Variants in NEK11 observed in about 807,000 individuals in gnomAD.
NEK11 encodes the protein NIMA related kinase 11, also known as serine/threonine-protein kinase Nek11.
Under a neutral mutation model 80.7 loss-of-function variants are expected in NEK11, and 72 were observed. The ratio of observed to expected loss-of-function variants is 0.89; its 90% CI spans 0.74 to 1.08. The LOEUF (loss-of-function observed/expected upper bound fraction) is 1.08. NEK11 is among the 50% of genes least tolerant of loss of function. NEK11 has a pLI of 0.00. For missense variants in NEK11, 764 were observed against 763.6 expected (o/e 1.00, Z -0.01); for synonymous variants, 251 against 260.7 (o/e 0.96, Z 0.36).
chr3:131,058,103 A>G (rs1235957143), intron 3 of NEK11, among the ~76,000 whole-genome samples: 6 of 152,086 alleles, frequency 3.9e-5, no homozygotes, highest in African/African-American at 1.4e-4. Flanking sequence ...AGCTTTCTAC[A>G]TATGGCTAGC....
At chr3:131,132,460 A>G (rs898338839) in intron 5 of NEK11, among the ~76,000 whole-genome samples, 1 of 152,084 alleles carries the variant, frequency 6.6e-6, no homozygotes, top group African/African-American at 2.4e-5. Flanking sequence ...TATGTAGATT[A>G]TGCTACAAAA....
intron 3 of NEK11, chr3:131,053,291 C>T (rs1560182031): frequency 6.6e-6 from 1 of 152,190 alleles, no homozygotes; most frequent in Non-Finnish European, 1.5e-5. Context: ...TCGAAAATGT[C>T]TTAATTTAAT....
At chr3:131,191,828 A>G (rs926569681) in intron 14 of NEK11, among the ~76,000 whole-genome samples, 2 of 152,162 alleles carry the variant, frequency 1.3e-5, no homozygotes, top group Non-Finnish European at 2.9e-5. Context: ...ATTAAAATAG[A>G]TCAAAAACCT....
chr3:131,274,852 A>C (rs1299644025), intron 17 of NEK11, among the ~76,000 whole-genome samples: 6 of 150,332 alleles, frequency 4.0e-5, no homozygotes. Flanking sequence ...ACGGGGTTTC[A>C]CCTTGTTAGC....
At chr3:131,174,968 C>A in intron 14 of NEK11, 4 of 1,391,288 alleles carry the variant, frequency 2.9e-6, no homozygotes, top group Non-Finnish European at 3.7e-6. Context: ...TTTAAGCAAT[C>A]ACTGAGCCCA....
chr3:131,197,839 G>A (rs1421531613), intron 14 of NEK11, among the ~76,000 whole-genome samples: 2 of 152,106 alleles, frequency 1.3e-5, no homozygotes, highest in African/African-American at 4.8e-5. Context: ...TTCTAATGGA[G>A]GGTCCTGCCT....
chr3:131,167,401 T>A (rs554125410), intron 12 of NEK11, among the ~76,000 whole-genome samples: 2 of 152,240 alleles, frequency 1.3e-5, no homozygotes, highest in African/African-American at 4.8e-5. Flanking sequence ...GAAGTTACCA[T>A]ATGGCAAAAA....
At chr3:131,167,057 A>G (rs2092302586) in intron 12 of NEK11, among the ~76,000 whole-genome samples, 1 of 152,256 alleles carries the variant, frequency 6.6e-6, no homozygotes, top group Non-Finnish European at 1.5e-5. Flanking sequence ...TTATTCAGCT[A>G]TAGAAATGGG....
At chr3:131,145,746 C>T (rs2088059047) in intron 7 of NEK11, among the ~76,000 whole-genome samples, 1 of 152,116 alleles carries the variant, frequency 6.6e-6, no homozygotes, top group African/African-American at 2.4e-5. Context: ...GCCTGGGCTA[C>T]AATCCCAGCT....
chr3:131,150,440 C>T (rs948987078), intron 7 of NEK11, among the ~76,000 whole-genome samples: 20 of 151,876 alleles, frequency 1.3e-4, no homozygotes, highest in African/African-American at 4.3e-4. Context: ...CATGCACACA[C>T]GCACACATTA....
At chr3:131,277,574 A>G (rs985552655) in intron 17 of NEK11, among the ~76,000 whole-genome samples, 17 of 152,218 alleles carry the variant, frequency 1.1e-4, no homozygotes, top group African/African-American at 4.1e-4. Context: ...CTCCTCTATG[A>G]AGAAGTTGGG....
intron 14 of NEK11, among the ~76,000 whole-genome samples, chr3:131,174,180 A>G (rs2092869124): frequency 6.6e-6 from 1 of 152,146 alleles, no homozygotes; most frequent in Non-Finnish European, 1.5e-5. Flanking sequence ...AAATAAAAGT[A>G]AAAAAAGAAG....
chr3:131,293,353 TA>T (rs1318281196), intron 17 of NEK11, among the ~76,000 whole-genome samples: 1 of 152,166 alleles, frequency 6.6e-6, no homozygotes, highest in Non-Finnish European at 1.5e-5. Flanking sequence ...GATCATGTGA[TA>T]TTTTTATTTT....
chr3:131,094,528 T>TG (rs2077168829), intron 4 of NEK11, among the ~76,000 whole-genome samples: 1 of 152,218 alleles, frequency 6.6e-6, no homozygotes, highest in African/African-American at 2.4e-5. Flanking sequence ...AATACCATTG[T>TG]GTTTGTAATA....
chr3:131,224,701 C>G (rs1301951114), intron 14 of NEK11, among the ~76,000 whole-genome samples: 1 of 151,998 alleles, frequency 6.6e-6, no homozygotes, highest in Non-Finnish European at 1.5e-5. Flanking sequence ...TGTAGTGGGA[C>G]AAGATGTGGA....
intron 4 of NEK11, among the ~76,000 whole-genome samples, chr3:131,087,532 G>C (rs1013475884): frequency 6.6e-6 from 1 of 152,124 alleles, no homozygotes; most frequent in African/African-American, 2.4e-5. Context: ...GTGAGCCACC[G>C]TGCCCGGCCG....
chr3:131,060,211 A>G (rs1577617502), intron 3 of NEK11, among the ~76,000 whole-genome samples: 1 of 152,350 alleles, frequency 6.6e-6, no homozygotes, highest in South Asian at 2.1e-4. Context: ...TAATTGAACT[A>G]TTTTGGCTCT....
intron 3 of NEK11, among the ~76,000 whole-genome samples, chr3:131,079,336 T>C (rs2074872519): frequency 6.6e-6 from 1 of 152,212 alleles, no homozygotes; most frequent in Non-Finnish European, 1.5e-5. Context: ...TGGAGAATGA[T>C]GGTTAATCTA....
intron 14 of NEK11, among the ~76,000 whole-genome samples, chr3:131,182,818 C>T (rs941401020): frequency 6.6e-6 from 1 of 152,162 alleles, no homozygotes; most frequent in Non-Finnish European, 1.5e-5. Flanking sequence ...TTGATTTTCT[C>T]TTTTGACTCT....
Sources: gnomAD v4.1 joint callset for allele counts (sites outside exome capture counted in the v4.1 genomes callset) on GRCh38, gnomAD v4.1.1 for gene constraint, MANE v1.5 for transcripts, NCBI Gene and HGNC (gene_info 2026-07-23, HGNC 2026-07-21) for gene names.